The following ARHGAP31 variants were observed in gnomAD, a reference collection of about 807,000 sequenced individuals.
ARHGAP31 encodes the protein rho GTPase-activating protein 31.
Under a neutral mutation model 113.9 loss-of-function variants are expected in ARHGAP31, and 34 were observed. The ratio of observed to expected loss-of-function variants is 0.30; its 90% CI spans 0.23 to 0.40. The LOEUF (loss-of-function observed/expected upper bound fraction) is 0.40, where lower values mean the gene tolerates loss of function less well. Among genes scored for constraint, ARHGAP31 ranks in the 10% least tolerant of loss-of-function variants. ARHGAP31 has a pLI of 1.00. For synonymous variants in ARHGAP31, 650 were observed against 684.8 expected (o/e 0.95, Z 0.79); for missense variants, 1,548 against 1,767.1 (o/e 0.88, Z 2.22).
At chr3:119,329,168 G>A (rs2107606275) in intron 1 of ARHGAP31, among the ~76,000 whole-genome samples, 1 of 152,278 alleles carries the variant, frequency 6.6e-6, no homozygotes, top group East Asian at 1.9e-4. Flanking sequence ...GTCCCCAAAG[G>A]CTATCCAGAA....
intron 1 of ARHGAP31, among the ~76,000 whole-genome samples, chr3:119,324,057 C>A (rs185568604): frequency 7.3e-5 from 11 of 151,624 alleles, no homozygotes; most frequent in African/African-American, 2.4e-4. Flanking sequence ...AAGTGGGGCT[C>A]TTGCCATCCC....
rs777419017 is a variant in ARHGAP31, at chr3:119,415,073, ACACCTGGGG to A, written c.3148_3156del (p.Leu1050_His1052del). On this transcript the variant is annotated inframe_deletion, in exon 12 of 12. Coordinates refer to ENST00000264245, the MANE Select transcript of ARHGAP31 (RefSeq NM_020754.4). ...TAGCAGAGGGAAAGGAGCTAGGGAC[ACACCTGGGG>A]CACAGCAGTCCACAGATTAGGCAAG... is the stretch of plus-strand genomic sequence containing the variant. 584 of 1,614,114 alleles carry A rather than the reference ACACCTGGGG, an allele frequency of 3.6e-4. No individual in the cohort carries two copies. The highest frequency in any genetic ancestry group is 4.7e-4 in the Non-Finnish European group (552 of 1,180,052).
intron 1 of ARHGAP31, among the ~76,000 whole-genome samples, chr3:119,343,737 C>A (rs545383203): frequency 6.6e-6 from 1 of 152,208 alleles, no homozygotes; most frequent in Non-Finnish European, 1.5e-5. Flanking sequence ...TTCTTCCTTG[C>A]TCTCCCTTTT....
At chr3:119,318,340 G>A (rs927480346) in intron 1 of ARHGAP31, among the ~76,000 whole-genome samples, 1 of 152,154 alleles carries the variant, frequency 6.6e-6, no homozygotes, top group Non-Finnish European at 1.5e-5. Context: ...GTGACTTTCA[G>A]AATCGATTTA....
intron 1 of ARHGAP31, among the ~76,000 whole-genome samples, chr3:119,329,520 G>A (rs2107606399): frequency 6.6e-6 from 1 of 152,286 alleles, no homozygotes; most frequent in Non-Finnish European, 1.5e-5. Context: ...TTCTTTGTGA[G>A]CCTGCAGAAG....
At chr3:119,356,733 A>G (rs997864353) in intron 1 of ARHGAP31, among the ~76,000 whole-genome samples, 3 of 152,194 alleles carry the variant, frequency 2.0e-5, no homozygotes, top group Admixed American at 6.5e-5. Flanking sequence ...CTGTACATAA[A>G]AGTTTTCTCA....
intron 1 of ARHGAP31, among the ~76,000 whole-genome samples, chr3:119,330,292 A>G (rs2079881427): frequency 6.6e-6 from 1 of 152,184 alleles, no homozygotes; most frequent in Admixed American, 6.5e-5. Context: ...GGCTGGATCT[A>G]CCATTACAAA....
intron 1 of ARHGAP31, among the ~76,000 whole-genome samples, chr3:119,362,224 C>T (rs1015161701): frequency 9.2e-5 from 14 of 152,122 alleles, no homozygotes; most frequent in Non-Finnish European, 1.8e-4. Flanking sequence ...GTGAGTGTTC[C>T]GAGTTCTTAA....
At chr3:119,346,663 T>G (rs1172035752) in intron 1 of ARHGAP31, among the ~76,000 whole-genome samples, 2 of 152,224 alleles carry the variant, frequency 1.3e-5, no homozygotes, top group African/African-American at 4.8e-5. Context: ...TGTCTAAGCT[T>G]AAATATTCTA....
chr3:119,336,522 G>A (rs1396634341), intron 1 of ARHGAP31, among the ~76,000 whole-genome samples: 1 of 152,006 alleles, frequency 6.6e-6, no homozygotes, highest in Admixed American at 6.6e-5. Context: ...ACCAAGAGTG[G>A]GTTTTAATCA....
chr3:119,399,100 A>G (rs2080576931), intron 8 of ARHGAP31, 99 bp from the exon 9 acceptor site: 2 of 1,062,426 alleles, frequency 1.9e-6, no homozygotes, highest in East Asian at 4.9e-5. Context: ...AAACTTTCCT[A>G]AAGAATTTTG....
intron 1 of ARHGAP31, among the ~76,000 whole-genome samples, chr3:119,301,394 A>C (rs1559959611): frequency 6.6e-6 from 1 of 152,200 alleles, no homozygotes; most frequent in Non-Finnish European, 1.5e-5. Flanking sequence ...GGACAGAGGG[A>C]AACATGTTGA....
chr3:119,388,892 C>T (rs1327329832), intron 6 of ARHGAP31, among the ~76,000 whole-genome samples: 1 of 152,130 alleles, frequency 6.6e-6, no homozygotes. Context: ...CGCGGTGGCT[C>T]ACACCTGCAA....
intron 2 of ARHGAP31, 58 bp from the exon 3 acceptor site, chr3:119,368,306 CAAGCAGCT>C: frequency 6.3e-7 from 1 of 1,595,288 alleles, no homozygotes; most frequent in East Asian, 2.2e-5. Flanking sequence ...CCTAAGCAGC[CAAGCAGCT>C]GCTGACATGG....
chr3:119,302,528 A>G (rs1314137850), intron 1 of ARHGAP31, among the ~76,000 whole-genome samples: 1 of 152,212 alleles, frequency 6.6e-6, no homozygotes, highest in East Asian at 1.9e-4. Flanking sequence ...TGTTATTTTC[A>G]TTGGTAGTAA....
chr3:119,324,799 T>G (rs2079827931), intron 1 of ARHGAP31: 1 of 404,378 alleles, frequency 2.5e-6, no homozygotes, highest in Non-Finnish European at 5.0e-6. Flanking sequence ...CTAACTGGTA[T>G]TTAGTATTGA....
chr3:119,383,377 C>T (rs1577022253), intron 6 of ARHGAP31, 151 bp downstream of exon 6: 55 of 1,030,336 alleles, frequency 5.3e-5, no homozygotes, highest in South Asian at 3.9e-4. Context: ...GTCTGAGGAT[C>T]GTGCATATAT....
chr3:119,336,609 A>C (rs1484058148), intron 1 of ARHGAP31, among the ~76,000 whole-genome samples: 1 of 152,214 alleles, frequency 6.6e-6, no homozygotes, highest in South Asian at 2.1e-4. Flanking sequence ...CTAAGTTCTA[A>C]ACAATTGCTG....
In ARHGAP31 at chr3:119,413,915, C is replaced by T; in HGVS notation, c.1986C>T (p.Ile662=). Residue 662 remains isoleucine, a synonymous_variant, in exon 12 of 12, where the codon ATC becomes ATT. Transcript: ENST00000264245. The part of the protein sequence containing the change: ...IWPEIQQELK[I]IESEEELSSL... ...CTGAGATTCAACAGGAGCTGAAAAT[C>T]ATTGAATCTGAGGAGGAGCTCTCAT... The T allele has an allele frequency of 6.2e-7, 1 of 1,614,226 alleles. No homozygotes were observed. Among genetic ancestry groups the T allele is most frequent in the Non-Finnish European group, 8.5e-7 (1 of 1,180,052 alleles).
Sources: allele counts gnomAD v4.1 joint callset (sites outside exome capture counted in the v4.1 genomes callset), GRCh38; gene constraint gnomAD v4.1.1; transcripts MANE v1.5; gene names NCBI Gene and HGNC (gene_info 2026-07-23, HGNC 2026-07-21).